EML6: variants seen among roughly 807,000 people sequenced by gnomAD.
The protein encoded by EML6 is EMAP like 6.
EML6 carries 154 observed loss-of-function variants against 240.1 expected under a neutral mutation model. The ratio of observed to expected loss-of-function variants is 0.64; its 90% CI spans 0.56 to 0.73. EML6 has a LOEUF of 0.73. Ranked by LOEUF, EML6 falls within the 30% of genes least tolerant of loss-of-function variation. The pLI is 0.00. For synonymous variants in EML6, 1,148 were observed against 899.0 expected (o/e 1.28, Z -4.95); for missense variants, 2,964 against 2,474.6 (o/e 1.20, Z -4.20).
intron 13 of EML6, among the ~76,000 whole-genome samples, chr2:54,865,614 G>A (rs1422001217): frequency 6.6e-6 from 1 of 152,156 alleles, no homozygotes; most frequent in Non-Finnish European, 1.5e-5. Context: ...ATGTGCATTG[G>A]AGCATTTTGT....
intron 17 of EML6, among the ~76,000 whole-genome samples, chr2:54,884,762 C>T (rs191652097): frequency 6.6e-6 from 1 of 152,286 alleles, no homozygotes; most frequent in East Asian, 1.9e-4. Flanking sequence ...TACAAGGAAA[C>T]AATCTTTTAT....
chr2:54,899,904 A>G, intron 22 of EML6, 122 bp downstream of exon 22: 1 of 974,886 alleles, frequency 1.0e-6, no homozygotes, highest in Middle Eastern at 2.3e-4. Context: ...ATGCTGGGCA[A>G]TGAGAATTTT....
At chr2:54,893,364 C>T (rs1672580560) in intron 19 of EML6, among the ~76,000 whole-genome samples, 1 of 152,090 alleles carries the variant, frequency 6.6e-6, no homozygotes, top group Non-Finnish European at 1.5e-5. Flanking sequence ...AGGGAAGGGC[C>T]TTCTTGCTGT....
At chr2:54,831,412 G>C (rs546132857) in intron 7 of EML6, among the ~76,000 whole-genome samples, 4 of 151,834 alleles carry the variant, frequency 2.6e-5, no homozygotes, top group Non-Finnish European at 5.9e-5. Flanking sequence ...GAGAGTTCAG[G>C]GACCAGTTCT....
intron 2 of EML6, among the ~76,000 whole-genome samples, chr2:54,810,134 C>G (rs574144315): frequency 2.0e-5 from 3 of 152,098 alleles, no homozygotes; most frequent in Admixed American, 1.3e-4. Flanking sequence ...TTAATGTACC[C>G]AAATGGCAAA....
chr2:54,838,465 A>G (rs973043166), intron 7 of EML6, among the ~76,000 whole-genome samples: 6 of 152,230 alleles, frequency 3.9e-5, no homozygotes, highest in Non-Finnish European at 5.9e-5. Flanking sequence ...ACAGCTGGCA[A>G]CGGCTGGTAT....
In EML6 at chr2:54,903,163, A is replaced by G. The variant is rs1335363404; in HGVS notation, c.3244A>G (p.Lys1082Glu). 3 of 1,551,942 alleles carry G rather than the reference A, an allele frequency of 1.9e-6. No individual in the cohort carries two copies. In the African/African-American group the frequency reaches 4.1e-5, roughly 21 times the overall value. Reference protein sequence around the residue: ...VEDMVSFHHRKEMISDIKFSK... With the variant: ...VEDMVSFHHREEMISDIKFSK... The stretch of plus-strand genomic sequence containing the variant: ...AGACATGGTCTCTTTCCATCACAGA[A>G]AAGAAATGATCTCTGATATTAAGTT... The change falls in exon 23 of 42, where the codon AAA becomes GAA. Residue 1082 changes from lysine to glutamate, a missense_variant. Transcript: ENST00000356458.
chr2:54,936,968 CT>C (rs141307785), intron 28 of EML6, among the ~76,000 whole-genome samples: 53,176 of 132,364 alleles, frequency 0.4, 10,973 homozygotes, highest in African/African-American at 0.46. Flanking sequence ...TCATGTCTCT[CT>C]TTTTTTTTTT....
chr2:54,888,778 C>T (rs945997362), intron 17 of EML6, among the ~76,000 whole-genome samples: 4 of 152,182 alleles, frequency 2.6e-5, no homozygotes, highest in African/African-American at 7.2e-5. Flanking sequence ...TGAAGGACAT[C>T]TATGTTGCTG....
At chr2:54,948,452 G>A (rs1184874784) in intron 28 of EML6, among the ~76,000 whole-genome samples, 3 of 152,136 alleles carry the variant, frequency 2.0e-5, no homozygotes, top group East Asian at 1.9e-4. Flanking sequence ...CATGGCCATC[G>A]ACAACTTAAT....
chr2:54,856,367 C>G (rs1009902505), intron 11 of EML6, among the ~76,000 whole-genome samples: 1 of 152,210 alleles, frequency 6.6e-6, no homozygotes, highest in Non-Finnish European at 1.5e-5. Flanking sequence ...CTCAGAGGCT[C>G]TCCATGTTCC....
At chr2:54,781,359 G>T (rs1356794158) in intron 2 of EML6, among the ~76,000 whole-genome samples, 2 of 152,122 alleles carry the variant, frequency 1.3e-5, no homozygotes, top group Admixed American at 1.3e-4. Context: ...AAGTGATTCA[G>T]GTAAGAAGAT....
chr2:54,813,400 C>CT lies in EML6; in HGVS notation c.357+16dup, dbSNP rs1297630398. Reference sequence around the variant, plus strand: ...TTGACTCAGATGGACAGGTGTGTATCTTTTTTTAGTTGTTTTATTTAATGA... The same window carrying CT: ...TTGACTCAGATGGACAGGTGTGTATCTTTTTTTTAGTTGTTTTATTTAATGA... On this transcript the variant is annotated intron_variant, in intron 3 of 41. Transcript: ENST00000356458. 2.6e-6 allele frequency: 4 copies of CT among 1,548,260 alleles called. No homozygotes were observed. The highest frequency in any genetic ancestry group is 2.4e-5 in the East Asian group (1 of 40,898).
At chr2:54,739,742 G>C (rs539783027) in intron 2 of EML6, among the ~76,000 whole-genome samples, 1 of 152,368 alleles carries the variant, frequency 6.6e-6, no homozygotes, top group East Asian at 1.9e-4. Flanking sequence ...GGTGGTTAGG[G>C]AAGGCTTTCT....
At chr2:54,892,331 T>G (rs1428210549) in intron 18 of EML6, 123 bp from the exon 19 acceptor site, 2 of 645,480 alleles carry the variant, frequency 3.1e-6, no homozygotes, top group Non-Finnish European at 5.5e-6. Flanking sequence ...CTCTGTCACT[T>G]TTAGACATCT....
At chr2:54,890,994 A>T in intron 17 of EML6, 60 bp from the exon 18 acceptor site, 1 of 808,380 alleles carries the variant, frequency 1.2e-6, no homozygotes. Flanking sequence ...GCATGCTTTT[A>T]ATAAAACTGT....
At chr2:54,794,234 T>C (rs1257475729) in intron 2 of EML6, among the ~76,000 whole-genome samples, 1 of 152,192 alleles carries the variant, frequency 6.6e-6, no homozygotes, top group East Asian at 1.9e-4. Flanking sequence ...GCCTGTTGGC[T>C]TCTGGACTGT....
At chr2:54,845,916 A>G (rs1201261942) in intron 8 of EML6, among the ~76,000 whole-genome samples, 4 of 152,240 alleles carry the variant, frequency 2.6e-5, no homozygotes, top group African/African-American at 7.2e-5. Flanking sequence ...TTGTGTTATC[A>G]GAAGACTATA....
chr2:54,963,712 T>C (rs901603140), intron 36 of EML6, among the ~76,000 whole-genome samples: 7 of 152,244 alleles, frequency 4.6e-5, no homozygotes, highest in African/African-American at 1.7e-4. Context: ...CGACAGAGAC[T>C]ATGGCCCACA....
Sources: gnomAD v4.1 joint callset for allele counts (sites outside exome capture counted in the v4.1 genomes callset) on GRCh38, gnomAD v4.1.1 for gene constraint, MANE v1.5 for transcripts, NCBI Gene and HGNC (gene_info 2026-07-23, HGNC 2026-07-21) for gene names.